SIM2: variants seen among roughly 807,000 people sequenced by gnomAD.
The protein encoded by SIM2 is single-minded homolog 2.
SIM2 carries 28 observed loss-of-function variants against 64.8 expected under a neutral mutation model. The observed-to-expected ratio is 0.43, with a 90% CI of 0.32 to 0.59. The LOEUF (loss-of-function observed/expected upper bound fraction) is 0.59, where lower values mean the gene tolerates loss of function less well. Among genes scored for constraint, SIM2 ranks in the 20% least tolerant of loss-of-function variants. SIM2 has a pLI of 0.07. For missense variants in SIM2, 847 were observed against 871.4 expected, an observed-to-expected ratio of 0.97 and a Z score of 0.35; for synonymous variants, 408 against 391.1, an observed-to-expected ratio of 1.04 and a Z score of -0.51.
At chr21:36,744,005 T>C (rs1432814717) in intron 9 of SIM2, among the ~76,000 whole-genome samples, 1 of 152,158 alleles carries the variant, frequency 6.6e-6, no homozygotes, top group Non-Finnish European at 1.5e-5. Flanking sequence ...TACCAGCACT[T>C]TGGGAGGCCG....
In SIM2 at chr21:36,747,471, C is replaced by T. The variant is rs1056632188; in HGVS notation, c.1577-194C>T. Among the ~76,000 whole-genome samples the T allele has an allele frequency of 2.0e-5, 3 of 152,136 alleles. No individual in the cohort carries two copies. Among genetic ancestry groups the T allele is most frequent in the African/African-American group, 2.4e-5 (1 of 41,440 alleles). On this transcript the variant is annotated intron_variant, in intron 10 of 10. Transcript: ENST00000290399. This position sits in a 1 kb window ranked among gnomAD's most constrained non-coding sequence, Gnocchi z 4.5. ...CCACCTGTTTCCCTGCTTTGTAACG[C>T]GGCTCCTGGAACATTTCAGGTCGCG...
chr21:36,699,984 A>G lies in SIM2; in HGVS notation c.175+63A>G. On this transcript the variant is annotated intron_variant, in intron 1 of 10. Coordinates refer to ENST00000290399, the MANE Select transcript of SIM2 (RefSeq NM_005069.6). The surrounding 1 kb of genome is among the most constrained non-coding windows in gnomAD (Gnocchi z 5.6). Reference sequence around the variant, plus strand: ...CCCGGCGGCCCCGGCCCAGGCGGGAAGCGCAAGCCAGCCCGCCCAGAGGGG... The same window carrying G: ...CCCGGCGGCCCCGGCCCAGGCGGGAGGCGCAAGCCAGCCCGCCCAGAGGGG... 1 of 1,485,090 alleles carries G rather than the reference A, an allele frequency of 6.7e-7. No homozygotes were observed. Among genetic ancestry groups the G allele is most frequent in the Admixed American group, 2.6e-5 (1 of 38,812 alleles). The allele number at this position is 1,485,090 out of a possible 1,614,324, so 92.0% of individuals were successfully genotyped here.
At chr21:36,742,695 A>G (rs1244770640) in intron 8 of SIM2, among the ~76,000 whole-genome samples, 1 of 152,184 alleles carries the variant, frequency 6.6e-6, no homozygotes, top group African/African-American at 2.4e-5. Flanking sequence ...CGCCAGCCCC[A>G]TGATGAAAAG....
At chr21:36,739,185 A>G (rs1326962260) in intron 7 of SIM2, among the ~76,000 whole-genome samples, 1 of 152,264 alleles carries the variant, frequency 6.6e-6, no homozygotes, top group Admixed American at 6.5e-5. Context: ...TGAGCCCTTC[A>G]GCTGTGTCTG....
chr21:36,726,003 T>G lies in SIM2; in HGVS notation c.544-116T>G, dbSNP rs772367442. ...CCTGTCAGCACATTGGGCCGCACAG[T>G]GGAGTAGAGGCTGGGCTGGGAGATA... On this transcript the variant is annotated intron_variant, in intron 5 of 10. Transcript: ENST00000290399. The surrounding 1 kb of genome is among the most constrained non-coding windows in gnomAD (Gnocchi z 4.5). The G allele has an allele frequency of 2.5e-6, 2 of 808,998 alleles. No homozygotes were observed. Among genetic ancestry groups the G allele is most frequent in the African/African-American group, 3.3e-5 (2 of 60,186 alleles). The allele number at this position is 808,998 out of a possible 1,614,324, so 50.1% of individuals were successfully genotyped here.
At chr21:36,746,325 G>T (rs13046003) in intron 10 of SIM2, 2 of 146,194 alleles carry the variant, frequency 1.4e-5, no homozygotes, top group African/African-American at 5.2e-5. Flanking sequence ...AAAAAAAAAA[G>T]AAAAAGAAAA....
intron 8 of SIM2, among the ~76,000 whole-genome samples, 172 bp from the exon 9 acceptor site, chr21:36,743,215 A>G (rs1385786244): frequency 6.6e-6 from 1 of 152,066 alleles, no homozygotes. Flanking sequence ...GGGGCTGCAG[A>G]TGGCTTTTAT....
At chr21:36,739,518 C>A (rs1017911171) in intron 7 of SIM2, among the ~76,000 whole-genome samples, 5 of 152,078 alleles carry the variant, frequency 3.3e-5, no homozygotes, top group African/African-American at 1.2e-4. Flanking sequence ...TTTTCCCTAC[C>A]GTTGAAGAGT....
At chr21:36,700,009 G>A in intron 1 of SIM2, 88 bp downstream of exon 1, 2 of 1,373,908 alleles carry the variant, frequency 1.5e-6, no homozygotes, top group East Asian at 5.1e-5. Flanking sequence ...GCCCAGAGGG[G>A]TTGCCGCGGC....
intron 1 of SIM2, among the ~76,000 whole-genome samples, chr21:36,706,960 G>A (rs1223057121): frequency 6.6e-6 from 1 of 152,242 alleles, no homozygotes; most frequent in African/African-American, 2.4e-5. Context: ...TTTGCATGTA[G>A]AGCCAGGGCC....
Position 36,747,923 on chromosome 21 carries a change from T to TG in SIM2, c.1841dup (p.Ala615ArgfsTer84). On this transcript the variant is annotated frameshift_variant, in exon 11 of 11. Transcript: ENST00000290399. LOFTEE classifies it high-confidence loss of function. This position sits in a 1 kb window ranked among gnomAD's most constrained non-coding sequence, Gnocchi z 4.5. ...CGCGTGCTGGCCCGGCGCGGACCGCTGGGGGGCGCCGCACCCGCCGCCTCC... is the reference window on the plus strand; with the variant it reads ...CGCGTGCTGGCCCGGCGCGGACCGCTGGGGGGGCGCCGCACCCGCCGCCTCC... 9 of 1,038,358 alleles carry TG rather than the reference T, an allele frequency of 8.7e-6. No homozygotes were observed. In the South Asian group the frequency reaches 1.5e-4, roughly 18 times the overall value. 64.3% of individuals were successfully genotyped at this position (1,038,358 alleles called of 1,614,324 possible). A position where few individuals can be genotyped will look rare whatever the true frequency, so the allele number is the denominator to read the frequency against.
Position 36,745,714 on chromosome 21 carries a change from G to A in SIM2, c.1576+578G>A. The stretch of plus-strand genomic sequence containing the variant: ...AAGCTGTGATGTGCCTACTCCCAAG[G>A]ACACGACACACAGTAGGGACCTGCC... On this transcript the variant is annotated intron_variant, in intron 10 of 10. Coordinates refer to ENST00000290399, the MANE Select transcript of SIM2 (RefSeq NM_005069.6). The surrounding 1 kb of genome is among the most constrained non-coding windows in gnomAD (Gnocchi z 4.8). 7.9e-7 allele frequency: 1 copy of A among 1,265,568 alleles called. No homozygotes were observed. The highest frequency in any genetic ancestry group is 1.0e-6 in the Non-Finnish European group (1 of 960,204). The allele number at this position is 1,265,568 out of a possible 1,614,324, so 78.4% of individuals were successfully genotyped here.
At chr21:36,731,229 T>C (rs1303397642) in intron 7 of SIM2, 78 bp downstream of exon 7, 3 of 1,007,970 alleles carry the variant, frequency 3.0e-6, no homozygotes, top group Non-Finnish European at 4.5e-6. Flanking sequence ...GGGGGACGTG[T>C]CCCTTTTGTT....
At chr21:36,736,636 T>C (rs1447013051) in intron 7 of SIM2, among the ~76,000 whole-genome samples, 1 of 152,072 alleles carries the variant, frequency 6.6e-6, no homozygotes, top group African/African-American at 2.4e-5. Context: ...CATGCGGGCG[T>C]CATGTCGGTG....
At chr21:36,733,815 C>T (rs2089007902) in intron 7 of SIM2, among the ~76,000 whole-genome samples, 2 of 152,190 alleles carry the variant, frequency 1.3e-5, no homozygotes, top group South Asian at 2.1e-4. Context: ...CCCGCCTCGG[C>T]CTCCCATAGT....
At chr21:36,724,249 C>T (rs1433771199) in intron 5 of SIM2, among the ~76,000 whole-genome samples, 1 of 152,160 alleles carries the variant, frequency 6.6e-6, no homozygotes, top group Non-Finnish European at 1.5e-5. Context: ...ACGGTGGGGC[C>T]CCAGGAGCCA....
chr21:36,734,319 A>G (rs2089014855), intron 7 of SIM2, among the ~76,000 whole-genome samples: 1 of 152,188 alleles, frequency 6.6e-6, no homozygotes. Flanking sequence ...AAGTTGTCCA[A>G]GGGGACTCTG....
Position 36,699,936 on chromosome 21 carries a change from G to GGGCGGCCGGGGACGCTGGGGAGCCC in SIM2, c.175+23_175+47dup, listed in dbSNP as rs1267462626. ...CTTCCCCGAAGGTGAGGCCTCAGGT[G>GGGCGGCCGGGGACGCTGGGGAGCCC]GGCGGCCGGGGACGCTGGGGAGCCC... On this transcript the variant is annotated intron_variant, in intron 1 of 10. Transcript: ENST00000290399. The surrounding 1 kb of genome is among the most constrained non-coding windows in gnomAD (Gnocchi z 5.6). 2 of 1,584,032 alleles carry GGGCGGCCGGGGACGCTGGGGAGCCC rather than the reference G, an allele frequency of 1.3e-6. No individual in the cohort carries two copies. Among genetic ancestry groups the GGGCGGCCGGGGACGCTGGGGAGCCC allele is most frequent in the South Asian group, 2.3e-5 (2 of 86,884 alleles).
rs2088452630 is a variant in SIM2 at position 36,699,542 on chromosome 21, G to C, written c.-205G>C. On this transcript the variant is annotated 5_prime_UTR_variant, in exon 1 of 11. Coordinates refer to ENST00000290399, the MANE Select transcript of SIM2 (RefSeq NM_005069.6). The surrounding 1 kb of genome is among the most constrained non-coding windows in gnomAD (Gnocchi z 5.6). ...TGCGCTCCGGGCAGCGGCGGGCGGCGCCGCCGGGTTGCTCGGAGCTCAGGC... is the reference window on the plus strand; with the variant it reads ...TGCGCTCCGGGCAGCGGCGGGCGGCCCCGCCGGGTTGCTCGGAGCTCAGGC... The C allele has an allele frequency of 2.5e-6, 1 of 394,420 alleles. No individual in the cohort carries two copies. Among genetic ancestry groups the C allele is most frequent in the Non-Finnish European group, 4.4e-6 (1 of 225,144 alleles). 24.4% of individuals were successfully genotyped at this position (394,420 alleles called of 1,614,324 possible).
Sources: gnomAD v4.1 joint callset for allele counts (sites outside exome capture counted in the v4.1 genomes callset) on GRCh38, gnomAD v4.1.1 for gene constraint, Gnocchi (gnomAD v3.1) non-coding constraint, MANE v1.5 for transcripts, NCBI Gene and HGNC (gene_info 2026-07-23, HGNC 2026-07-21) for gene names.